Variants in TSHR observed in about 807,000 individuals in gnomAD.
TSHR encodes the protein thyroid stimulating hormone receptor.
TSHR carries 51 observed loss-of-function variants against 64.1 expected under a neutral mutation model. The observed-to-expected ratio is 0.80, with a 90% CI of 0.64 to 1.01. The LOEUF is 1.01. TSHR is among the 50% of genes least tolerant of loss of function. The pLI, the probability that TSHR is intolerant of heterozygous loss-of-function variation, is 0.00. For synonymous variants in TSHR, 361 were observed against 361.9 expected, an observed-to-expected ratio of 1.00 and a Z score of 0.03; for missense variants, 877 against 942.8, an observed-to-expected ratio of 0.93 and a Z score of 0.91.
At chr14:81,065,410 T>C (rs11845164) in intron 2 of TSHR, among the ~76,000 whole-genome samples, 44,111 of 152,146 alleles carry the variant, frequency 0.29, 10,777 homozygotes, top group African/African-American at 0.68. Context: ...TATTAAAGGA[T>C]ATCTAAGAAG....
chr14:80,975,289 A>G (rs918252715), intron 1 of TSHR, among the ~76,000 whole-genome samples: 2 of 152,222 alleles, frequency 1.3e-5, no homozygotes, highest in African/African-American at 4.8e-5. Context: ...TATTTCATTT[A>G]AAAGAATCTA....
chr14:80,989,817 T>C (rs2139738325), intron 1 of TSHR, among the ~76,000 whole-genome samples: 1 of 152,262 alleles, frequency 6.6e-6, no homozygotes, highest in Non-Finnish European at 1.5e-5. Context: ...GACAACCCTG[T>C]ATTTTACAGC....
intron 1 of TSHR, among the ~76,000 whole-genome samples, chr14:81,009,547 C>T (rs1246054041): frequency 1.3e-5 from 2 of 152,114 alleles, no homozygotes; most frequent in African/African-American, 2.4e-5. Flanking sequence ...GTGCATTTTA[C>T]TCTTCGTTTT....
intron 8 of TSHR, among the ~76,000 whole-genome samples, chr14:81,132,726 A>T (rs1035540368): frequency 6.6e-6 from 1 of 152,190 alleles, no homozygotes; most frequent in Admixed American, 6.5e-5. Flanking sequence ...CTCTTTGAAG[A>T]GAGTGCCAGA....
At chr14:81,104,671 T>G in intron 7 of TSHR, 3 of 985,464 alleles carry the variant, frequency 3.0e-6, no homozygotes, top group Non-Finnish European at 3.6e-6. Context: ...CACATAATAC[T>G]GAGTTTGTCA....
chr14:80,970,301 C>T (rs983718150), intron 1 of TSHR, among the ~76,000 whole-genome samples: 4 of 152,212 alleles, frequency 2.6e-5, no homozygotes, highest in African/African-American at 9.7e-5. Context: ...ATCATAAAAT[C>T]AATTGCTGCT....
chr14:81,005,009 T>A (rs1321759728), intron 1 of TSHR, among the ~76,000 whole-genome samples: 3 of 152,174 alleles, frequency 2.0e-5, no homozygotes, highest in African/African-American at 7.2e-5. Context: ...ATAAAGAGAT[T>A]GAGTGATTAT....
At chr14:81,102,879 A>G (rs1301816954) in intron 7 of TSHR, 2 of 985,106 alleles carry the variant, frequency 2.0e-6, no homozygotes, top group African/African-American at 3.5e-5. Flanking sequence ...TATCTGGATT[A>G]AAATATTTGG....
chr14:81,010,232 C>T (rs1889834829), intron 1 of TSHR, among the ~76,000 whole-genome samples: 1 of 152,050 alleles, frequency 6.6e-6, no homozygotes, highest in Admixed American at 6.6e-5. Flanking sequence ...CTTTGGTATG[C>T]AACTAGTAAA....
intron 1 of TSHR, among the ~76,000 whole-genome samples, chr14:81,002,688 T>C (rs1352730625): frequency 6.6e-6 from 1 of 151,654 alleles, no homozygotes; most frequent in African/African-American, 2.4e-5. Flanking sequence ...TGTCATTAGT[T>C]ACCATTGACT....
rs1019470040 is a variant in TSHR, at chr14:81,119,532, G to A, written c.692+11080G>A. On this transcript the variant is annotated intron_variant, in intron 8 of 9. Transcript: ENST00000298171. Reference sequence around the variant, plus strand: ...ATCATTAAAAAGTCAGGAAACAACAGGTGCTGGAGAGGATGTGGAGAAATA... The same window carrying A: ...ATCATTAAAAAGTCAGGAAACAACAAGTGCTGGAGAGGATGTGGAGAAATA... Among the ~76,000 whole-genome samples, 35 of 131,066 alleles carry A rather than the reference G, an allele frequency of 2.7e-4. 3 individuals carry two copies. The highest frequency in any genetic ancestry group is 1.1e-3 in the African/African-American group (34 of 31,650). The allele number at this position is 131,066 out of a possible 152,430, so 86.0% of individuals were successfully genotyped here. A position where few individuals can be genotyped will look rare whatever the true frequency, so the allele number is the denominator to read the frequency against.
intron 8 of TSHR, 144 bp downstream of exon 8, chr14:81,108,596 T>C: frequency 1.9e-6 from 3 of 1,614,058 alleles, no homozygotes; most frequent in African/African-American, 2.7e-5. Flanking sequence ...AAGTCCCTCT[T>C]TTCCTGGCTG....
Position 81,144,425 on chromosome 14 carries a change from C to T in TSHR, c.*72C>T. 1 of 1,461,858 alleles carries T rather than the reference C, an allele frequency of 6.8e-7. No individual in the cohort carries two copies. Among genetic ancestry groups the T allele is most frequent in the Non-Finnish European group, 9.5e-7 (1 of 1,051,706 alleles). The allele number at this position is 1,461,858 out of a possible 1,614,324, so 90.6% of individuals were successfully genotyped here. A position where few individuals can be genotyped will look rare whatever the true frequency, so the allele number is the denominator to read the frequency against. ...AGTTTCTTGAATATGCATTCCAATCCCATGACACCCCCAACACATAGCTGC... is the reference window on the plus strand; with the variant it reads ...AGTTTCTTGAATATGCATTCCAATCTCATGACACCCCCAACACATAGCTGC... On this transcript the variant is annotated 3_prime_UTR_variant, in exon 10 of 10. Coordinates refer to ENST00000298171, the MANE Select transcript of TSHR (RefSeq NM_000369.5).
At chr14:80,966,422 T>C (rs1887300551) in intron 1 of TSHR, among the ~76,000 whole-genome samples, 1 of 152,136 alleles carries the variant, frequency 6.6e-6, no homozygotes, top group African/African-American at 2.4e-5. Context: ...ATACTACCTC[T>C]AGATAGGTGG....
chr14:81,024,686 T>A (rs1367030707), intron 1 of TSHR, among the ~76,000 whole-genome samples: 1 of 152,204 alleles, frequency 6.6e-6, no homozygotes, highest in African/African-American at 2.4e-5. Flanking sequence ...ATTTTCTTTC[T>A]TTTTTAACAA....
chr14:81,111,959 CAATT>C (rs1355871288), intron 8 of TSHR, among the ~76,000 whole-genome samples: 1 of 152,136 alleles, frequency 6.6e-6, no homozygotes, highest in East Asian at 1.9e-4. Context: ...TGGAAGTGGT[CAATT>C]AAACTACCTG....
chr14:81,123,558 CAAACTTCAAAAATCGT>C (rs1260252976), intron 8 of TSHR, among the ~76,000 whole-genome samples: 1 of 152,096 alleles, frequency 6.6e-6, no homozygotes, highest in African/African-American at 2.4e-5. Context: ...TTGTCAAAGC[CAAACTTCAAAAATCGT>C]AAACTCCATC....
At chr14:81,098,184 C>G (rs981562385) in intron 7 of TSHR, among the ~76,000 whole-genome samples, 1 of 152,188 alleles carries the variant, frequency 6.6e-6, no homozygotes, top group Non-Finnish European at 1.5e-5. Flanking sequence ...GGGGTCAGCT[C>G]AAGGGCAGCA....
chr14:81,095,487 T>G (rs1035518307), intron 6 of TSHR: 3 of 151,714 alleles, frequency 2.0e-5, no homozygotes, highest in African/African-American at 7.3e-5. Flanking sequence ...GCAGGAGAAT[T>G]GCTTGAACCC....
Sources: gnomAD v4.1 joint callset for allele counts (sites outside exome capture counted in the v4.1 genomes callset) on GRCh38, gnomAD v4.1.1 for gene constraint, MANE v1.5 for transcripts, NCBI Gene and HGNC (gene_info 2026-07-23, HGNC 2026-07-21) for gene names.